CHIC2: variants seen among roughly 807,000 people sequenced by gnomAD.
The protein encoded by CHIC2 is cysteine rich hydrophobic domain 2, also known as cysteine-rich hydrophobic domain-containing protein 2.
CHIC2 carries 14 observed loss-of-function variants against 25.9 expected under a neutral mutation model. That is an observed-to-expected ratio of 0.54 (90% CI 0.36 to 0.85). CHIC2 has a LOEUF of 0.85. Among genes scored for constraint, CHIC2 ranks in the 40% least tolerant of loss-of-function variants. The pLI is 0.01. For missense variants in CHIC2, 146 were observed against 202.0 expected, an observed-to-expected ratio of 0.72 and a Z score of 1.68; for synonymous variants, 70 against 72.0, an observed-to-expected ratio of 0.97 and a Z score of 0.14.
chr4:54,061,856 C>G (rs1226106423), intron 1 of CHIC2, among the ~76,000 whole-genome samples: 1 of 152,104 alleles, frequency 6.6e-6, no homozygotes, highest in African/African-American at 2.4e-5. Context: ...TAAGCACATA[C>G]ACATTGCTTA....
intron 3 of CHIC2, among the ~76,000 whole-genome samples, chr4:54,047,119 G>C (rs1716853744): frequency 6.6e-6 from 1 of 152,182 alleles, no homozygotes; most frequent in Non-Finnish European, 1.5e-5. Flanking sequence ...ACACCAGTTA[G>C]AATGGCGATC....
chr4:54,023,884 G>T (rs1482240178), intron 3 of CHIC2, among the ~76,000 whole-genome samples: 1 of 152,118 alleles, frequency 6.6e-6, no homozygotes, highest in Non-Finnish European at 1.5e-5. Flanking sequence ...ACCGTGCAAG[G>T]GTCCTCCATC....
At chr4:54,046,381 C>T (rs549300180) in intron 3 of CHIC2, among the ~76,000 whole-genome samples, 9,440 of 152,100 alleles carry the variant, frequency 0.062, 979 homozygotes, top group African/African-American at 0.21. Context: ...GGAGGCATCA[C>T]GCTACCTGAC....
At chr4:54,011,040 C>T (rs1475207916) in intron 5 of CHIC2, among the ~76,000 whole-genome samples, 1 of 152,066 alleles carries the variant, frequency 6.6e-6, no homozygotes, top group Non-Finnish European at 1.5e-5. Context: ...TTACAGTCAA[C>T]TCTTTCTTTT....
intron 3 of CHIC2, among the ~76,000 whole-genome samples, chr4:54,041,154 G>A (rs1224478450): frequency 6.6e-6 from 1 of 151,670 alleles, no homozygotes; most frequent in Non-Finnish European, 1.5e-5. Flanking sequence ...GACCTCGTGA[G>A]GGGATGGATT....
At chr4:54,041,280 C>T (rs1716569621) in intron 3 of CHIC2, among the ~76,000 whole-genome samples, 1 of 151,672 alleles carries the variant, frequency 6.6e-6, no homozygotes, top group Non-Finnish European at 1.5e-5. Context: ...GAGTCTGAGA[C>T]CATTCTAACC....
intron 3 of CHIC2, among the ~76,000 whole-genome samples, chr4:54,023,494 C>T (rs1022639805): frequency 2.0e-5 from 3 of 152,176 alleles, no homozygotes; most frequent in African/African-American, 7.2e-5. Flanking sequence ...GGACTTCAAT[C>T]TGGCCTCCCA....
the CHIC2 span, among the ~76,000 whole-genome samples, chr4:54,080,755 C>CAA: frequency 1.1e-5 from 1 of 90,382 alleles, no homozygotes. Flanking sequence ...GACTCTGTCT[C>CAA]AAAAAAAAAA....
chr4:54,040,418 T>C (rs1716527967), intron 3 of CHIC2, among the ~76,000 whole-genome samples: 1 of 151,180 alleles, frequency 6.6e-6, no homozygotes, highest in Non-Finnish European at 1.5e-5. Context: ...AATATAAAAA[T>C]TAGCCGAGCA....
At chr4:54,068,077 G>C (rs1174167661), upstream of CHIC2, among the ~76,000 whole-genome samples, 1 of 151,974 alleles carries the variant, frequency 6.6e-6, no homozygotes, top group African/African-American at 2.4e-5. Flanking sequence ...GATAGTTTTC[G>C]ATCTCTCTGT....
chr4:54,020,077 A>G (rs543568956), intron 3 of CHIC2, among the ~76,000 whole-genome samples: 1 of 152,350 alleles, frequency 6.6e-6, no homozygotes, highest in South Asian at 2.1e-4. Context: ...ATCAGTGCTT[A>G]CTGTCAGGCC....
At chr4:54,057,660 T>A (rs997938525) in intron 1 of CHIC2, among the ~76,000 whole-genome samples, 3 of 152,232 alleles carry the variant, frequency 2.0e-5, no homozygotes, top group Non-Finnish European at 4.4e-5. Context: ...GGTTTCATTA[T>A]ATACCCAGAG....
rs570271070 is a variant in CHIC2, at chr4:54,028,539, AGAGT to A, written c.331-14424_331-14421del. Among the ~76,000 whole-genome samples the A allele has an allele frequency of 2.2e-3, 341 of 152,350 alleles. 1 individual carries two copies. Among genetic ancestry groups the A allele is most frequent in the Non-Finnish European group, 3.8e-3 (261 of 68,022 alleles). ...AATTGATTAACTCCATCACTGGTAA[AGAGT>A]GAGTAAGGACTCAACTTTCTGATGT... On this transcript the variant is annotated intron_variant, in intron 3 of 5. Transcript: ENST00000263921.
intron 1 of CHIC2, among the ~76,000 whole-genome samples, chr4:54,053,380 A>C (rs1717066823): frequency 6.6e-6 from 1 of 152,116 alleles, no homozygotes; most frequent in South Asian, 2.1e-4. Context: ...AACATGGTGA[A>C]ACCCCATCAC....
chr4:54,025,941 T>C (rs1716045311), intron 3 of CHIC2, among the ~76,000 whole-genome samples: 1 of 151,808 alleles, frequency 6.6e-6, no homozygotes, highest in African/African-American at 2.4e-5. Context: ...ATAACACAAC[T>C]GGAGAAACAA....
chr4:54,067,923 C>A (rs1717550220), upstream of CHIC2, among the ~76,000 whole-genome samples: 1 of 150,000 alleles, frequency 6.7e-6, no homozygotes, highest in Non-Finnish European at 1.5e-5. Context: ...ATTTTGTCCC[C>A]CCCCCCAAAT....
At chr4:54,044,735 G>C (rs1424562503) in intron 3 of CHIC2, among the ~76,000 whole-genome samples, 1 of 152,040 alleles carries the variant, frequency 6.6e-6, no homozygotes, top group African/African-American at 2.4e-5. Context: ...ACAATTAAAA[G>C]AACTAGAGAA....
intron 3 of CHIC2, among the ~76,000 whole-genome samples, chr4:54,019,170 C>A (rs1234761817): frequency 1.3e-5 from 2 of 151,642 alleles, no homozygotes; most frequent in African/African-American, 4.8e-5. Context: ...ATTTTATATT[C>A]CAGTGATGTG....
intron 3 of CHIC2, among the ~76,000 whole-genome samples, chr4:54,021,580 C>A (rs370560276): frequency 2.2e-3 from 329 of 152,280 alleles, no homozygotes; most frequent in African/African-American, 7.5e-3. Context: ...AGCCCTCCCC[C>A]ACCTGCCCAA....
Sources: gnomAD v4.1 joint callset for allele counts (sites outside exome capture counted in the v4.1 genomes callset) on GRCh38, gnomAD v4.1.1 for gene constraint, MANE v1.5 for transcripts, NCBI Gene and HGNC (gene_info 2026-07-23, HGNC 2026-07-21) for gene names.